Variants in WWOX observed in about 807,000 individuals in gnomAD.
WWOX encodes WW domain containing oxidoreductase.
WWOX carries 69 observed loss-of-function variants against 46.2 expected under a neutral mutation model. The ratio of observed to expected loss-of-function variants is 1.49; its 90% CI spans 1.23 to 1.82. The LOEUF is 1.82. Ranked by LOEUF, WWOX falls within the 40% of genes most tolerant of loss-of-function variation. The pLI is 0.00. For synonymous variants in WWOX, 359 were observed against 202.6 expected (o/e 1.77, Z -6.56); for missense variants, 919 against 542.6 (o/e 1.69, Z -6.89).
chr16:78,666,063 T>G (rs2047326013), intron 8 of WWOX, among the ~76,000 whole-genome samples: 1 of 151,890 alleles, frequency 6.6e-6, no homozygotes, highest in African/African-American at 2.4e-5. Flanking sequence ...GGCTGGAGGA[T>G]TGCTTGAAGC....
chr16:78,924,650 C>T (rs879667299), intron 8 of WWOX, among the ~76,000 whole-genome samples: 2 of 152,158 alleles, frequency 1.3e-5, no homozygotes, highest in Non-Finnish European at 2.9e-5. Flanking sequence ...ATTTACTCCA[C>T]GATTATCCAT....
chr16:78,444,697 A>AT (rs1372230949), intron 8 of WWOX, among the ~76,000 whole-genome samples: 3 of 151,724 alleles, frequency 2.0e-5, no homozygotes, highest in African/African-American at 7.3e-5. Context: ...CACCCGGCTA[A>AT]TTTTTTGTAT....
At chr16:78,707,675 G>A (rs1007356708) in intron 8 of WWOX, among the ~76,000 whole-genome samples, 1 of 151,970 alleles carries the variant, frequency 6.6e-6, no homozygotes, top group Non-Finnish European at 1.5e-5. Flanking sequence ...TTGAGGTCAG[G>A]CATTCAGGAC....
chr16:78,493,979 A>G (rs2084849107), intron 8 of WWOX, among the ~76,000 whole-genome samples: 1 of 152,218 alleles, frequency 6.6e-6, no homozygotes, highest in East Asian at 1.9e-4. Context: ...CTATAAAGAC[A>G]TTCCTGAGAC....
At position 78,545,708 on chromosome 16, in the gene WWOX, A is replaced by T. The variant is rs577361101; in HGVS notation, c.1056+112956A>T. Among the ~76,000 whole-genome samples the T allele has an allele frequency of 2.6e-5, 4 of 152,334 alleles. No individual in the cohort carries two copies. The East Asian group carries it at 7.7e-4, about 29-fold the overall frequency. On this transcript the variant is annotated intron_variant, in intron 8 of 8. Coordinates refer to ENST00000566780, the MANE Select transcript of WWOX (RefSeq NM_016373.4). ...ATACCACCCACTGGGGATATTAAAC[A>T]TTAGAAACTTACTGTCTCACAGTTC...
At chr16:78,913,147 C>T (rs1444875881) in intron 8 of WWOX, among the ~76,000 whole-genome samples, 1 of 152,018 alleles carries the variant, frequency 6.6e-6, no homozygotes, top group African/African-American at 2.4e-5. Flanking sequence ...TGATTTCGAT[C>T]ATGGCAGTTG....
chr16:78,177,468 AG>A (rs2035388689), intron 5 of WWOX, among the ~76,000 whole-genome samples: 1 of 152,194 alleles, frequency 6.6e-6, no homozygotes, highest in Non-Finnish European at 1.5e-5. Flanking sequence ...GCTTTAAAGC[AG>A]GATGGTTGCA....
intron 8 of WWOX, among the ~76,000 whole-genome samples, chr16:79,092,116 T>A (rs2048974512): frequency 1.3e-5 from 2 of 152,102 alleles, no homozygotes. Flanking sequence ...GTAATTCAGA[T>A]CAGTCTTGCT....
chr16:78,801,947 A>G (rs1449092838), intron 8 of WWOX, among the ~76,000 whole-genome samples: 1 of 152,010 alleles, frequency 6.6e-6, no homozygotes, highest in East Asian at 1.9e-4. Context: ...TTTTCAGCAA[A>G]ATGGGGTAAG....
At chr16:79,059,527 G>T (rs1451352920) in intron 8 of WWOX, among the ~76,000 whole-genome samples, 4 of 152,172 alleles carry the variant, frequency 2.6e-5, no homozygotes, top group South Asian at 2.1e-4. Flanking sequence ...GTCTTGCCCT[G>T]TTGCCCTGGC....
At chr16:78,198,674 C>G (rs1401217143) in intron 5 of WWOX, among the ~76,000 whole-genome samples, 1 of 152,170 alleles carries the variant, frequency 6.6e-6, no homozygotes, top group Non-Finnish European at 1.5e-5. Flanking sequence ...TTTGCTGTTA[C>G]GAGCATGGAT....
intron 8 of WWOX, among the ~76,000 whole-genome samples, chr16:78,772,515 A>G (rs1304123308): frequency 6.6e-6 from 1 of 152,110 alleles, no homozygotes; most frequent in Non-Finnish European, 1.5e-5. Flanking sequence ...TCATTTGGTT[A>G]ATGTGATGAC....
chr16:78,710,807 AT>A (rs1567507788), intron 8 of WWOX, among the ~76,000 whole-genome samples: 1 of 151,218 alleles, frequency 6.6e-6, no homozygotes. Context: ...TAGAGATAGG[AT>A]CTCTCCCTTT....
chr16:78,170,966 A>G (rs1189812043), intron 5 of WWOX, among the ~76,000 whole-genome samples: 1 of 152,230 alleles, frequency 6.6e-6, no homozygotes, highest in Admixed American at 6.5e-5. Flanking sequence ...CAGGTTTTCA[A>G]TAGAGTTGAT....
intron 1 of WWOX, among the ~76,000 whole-genome samples, chr16:78,105,211 C>T (rs964351553): frequency 6.6e-6 from 1 of 152,176 alleles, no homozygotes; most frequent in South Asian, 2.1e-4. Context: ...CCTGTAATCC[C>T]AGCACTTTGG....
At chr16:78,782,429 C>G (rs531895753) in intron 8 of WWOX, among the ~76,000 whole-genome samples, 1 of 152,306 alleles carries the variant, frequency 6.6e-6, no homozygotes, top group Admixed American at 6.5e-5. Flanking sequence ...TATGCTGGGG[C>G]AACGCTACCA....
intron 8 of WWOX, among the ~76,000 whole-genome samples, chr16:78,657,459 A>G (rs987391861): frequency 6.6e-6 from 1 of 152,180 alleles, no homozygotes; most frequent in Non-Finnish European, 1.5e-5. Flanking sequence ...GTGAGGGTCC[A>G]GGTGGTTCCC....
At chr16:78,150,352 C>G (rs1597271778) in intron 4 of WWOX, among the ~76,000 whole-genome samples, 1 of 152,140 alleles carries the variant, frequency 6.6e-6, no homozygotes, top group African/African-American at 2.4e-5. Context: ...GGAAGCTCTC[C>G]AAACCCTATC....
intron 8 of WWOX, among the ~76,000 whole-genome samples, chr16:78,480,191 A>G (rs1029227730): frequency 2.6e-5 from 4 of 152,230 alleles, no homozygotes; most frequent in African/African-American, 9.6e-5. Flanking sequence ...AATAGCAGCC[A>G]CATTTCAAAT....
Sources: allele counts gnomAD v4.1 joint callset (sites outside exome capture counted in the v4.1 genomes callset), GRCh38; gene constraint gnomAD v4.1.1; transcripts MANE v1.5; gene names NCBI Gene and HGNC (gene_info 2026-07-23, HGNC 2026-07-21).